The following GDAP1L1 variants were observed in gnomAD, a reference collection of about 807,000 sequenced individuals.
The protein encoded by GDAP1L1 is ganglioside induced differentiation associated protein 1 like 1, also known as ganglioside-induced differentiation-associated protein 1-like 1.
Under a neutral mutation model 37.1 loss-of-function variants are expected in GDAP1L1, and 21 were observed. That is an observed-to-expected ratio of 0.57 (90% CI 0.40 to 0.81). The LOEUF is 0.81. Ranked by LOEUF, GDAP1L1 falls within the 40% of genes least tolerant of loss-of-function variation. GDAP1L1 has a pLI of 0.00. For missense variants in GDAP1L1, 362 were observed against 491.6 expected, an observed-to-expected ratio of 0.74 and a Z score of 2.49; for synonymous variants, 193 against 209.1, an observed-to-expected ratio of 0.92 and a Z score of 0.67.
chr20:44,274,152 G>T (rs2062548941), intron 5 of GDAP1L1, among the ~76,000 whole-genome samples: 1 of 152,110 alleles, frequency 6.6e-6, no homozygotes, highest in South Asian at 2.1e-4. Context: ...CTTGTCCAAG[G>T]ATGGAAGGGA....
In GDAP1L1 at chr20:44,258,675, A is replaced by G. The variant is rs569888601; in HGVS notation, c.547+68A>G. 2.3e-5 allele frequency: 27 copies of G among 1,174,512 alleles called. 1 individual carries two copies. The African/African-American group carries it at 4.1e-4, about 18-fold the overall frequency. The allele number at this position is 1,174,512 out of a possible 1,614,324, so 72.8% of individuals were successfully genotyped here. A position where few individuals can be genotyped will look rare whatever the true frequency, so the allele number is the denominator to read the frequency against. ...TTGCGCCGCTCCTTTCTTCCAAAGG[A>G]TGTCCTCCCTCTCCTGGGCCTCTCT... is the stretch of plus-strand genomic sequence containing the variant. On this transcript the variant is annotated intron_variant, in intron 3 of 5. Coordinates refer to ENST00000342560, the MANE Select transcript of GDAP1L1 (RefSeq NM_024034.6).
At chr20:44,260,960 G>T (rs1245612442) in intron 3 of GDAP1L1, among the ~76,000 whole-genome samples, 1 of 152,314 alleles carries the variant, frequency 6.6e-6, no homozygotes, top group East Asian at 1.9e-4. Context: ...GGTAGGCAGG[G>T]TCCTGGCCAA....
intron 1 of GDAP1L1, among the ~76,000 whole-genome samples, chr20:44,248,092 G>A (rs2073367998): frequency 6.6e-6 from 1 of 152,188 alleles, no homozygotes; most frequent in Non-Finnish European, 1.5e-5. Context: ...GAGAAGGAAG[G>A]AGTTAAACCA....
intron 5 of GDAP1L1, chr20:44,265,571 T>C: frequency 1.3e-6 from 1 of 791,592 alleles, no homozygotes. Context: ...GCCTCAAATA[T>C]GTAACCTTGG....
chr20:44,247,794 T>TGGGGGGGGGGGG (rs915847917), intron 1 of GDAP1L1, among the ~76,000 whole-genome samples: 1 of 98,748 alleles, frequency 1.0e-5, no homozygotes, highest in Non-Finnish European at 2.5e-5. Flanking sequence ...CGGGGCGGGT[T>TGGGGGGGGGGGG]GGGGGGGCTG....
At chr20:44,247,794 T>TGGGGGGGGGGGGGGGGTG (rs915847917) in intron 1 of GDAP1L1, among the ~76,000 whole-genome samples, 1 of 98,726 alleles carries the variant, frequency 1.0e-5, no homozygotes, top group African/African-American at 3.3e-5. Context: ...CGGGGCGGGT[T>TGGGGGGGGGGGGGGGGTG]GGGGGGGCTG....
rs912646562 is a variant in GDAP1L1 at position 44,261,312 on chromosome 20, G to C, written c.548-1918G>C. 2.0e-5 allele frequency among the ~76,000 whole-genome samples: 3 copies of C among 152,166 alleles called. No individual in the cohort carries two copies. In the East Asian group the frequency reaches 5.8e-4, roughly 29 times the overall value. On this transcript the variant is annotated intron_variant, in intron 3 of 5. Transcript: ENST00000342560. ...GACACGCAAGAAAGATGCTGTCCTT[G>C]ACCTTCACATTCATAAAACATCAAT... is the stretch of plus-strand genomic sequence containing the variant.
At chr20:44,263,892 G>A (rs79067285) in intron 4 of GDAP1L1, among the ~76,000 whole-genome samples, 3,116 of 151,968 alleles carry the variant, frequency 0.021, 105 homozygotes, top group African/African-American at 0.071. Flanking sequence ...AATAAATGCA[G>A]AGCACTGAAC....
At chr20:44,258,239 C>T in intron 2 of GDAP1L1, 195 bp from the exon 3 acceptor site, 1 of 723,520 alleles carries the variant, frequency 1.4e-6, no homozygotes, top group Non-Finnish European at 2.6e-6. Context: ...CCCTCGGGGA[C>T]AGCTTGGCAG....
At chr20:44,247,156 G>A (rs2145976018), upstream of GDAP1L1, 1 of 650,766 alleles carries the variant, frequency 1.5e-6, no homozygotes, top group South Asian at 1.9e-5. Flanking sequence ...GGGGGAGGAG[G>A]AGAAAGGAGC....
chr20:44,264,307 C>A lies in GDAP1L1; in HGVS notation c.646-138C>A, dbSNP rs984498087. On this transcript the variant is annotated intron_variant, in intron 4 of 5. Coordinates refer to ENST00000342560, the MANE Select transcript of GDAP1L1 (RefSeq NM_024034.6). ...GGCACCAGATGAGGGTGCTTCATAA[C>A]GGGGGGGCATCCTATACACTTGGGG... The A allele has an allele frequency of 3.3e-6, 4 of 1,215,678 alleles. No individual in the cohort carries two copies. In the African/African-American group the frequency reaches 4.7e-5, roughly 14 times the overall value. 75.3% of individuals were successfully genotyped at this position (1,215,678 alleles called of 1,614,324 possible).
intron 5 of GDAP1L1, among the ~76,000 whole-genome samples, chr20:44,276,611 G>A (rs2062585366): frequency 6.6e-6 from 1 of 152,068 alleles, no homozygotes; most frequent in South Asian, 2.1e-4. Context: ...TTTTACCATT[G>A]CAGATAGTTT....
At chr20:44,271,191 G>A (rs2062512064) in intron 5 of GDAP1L1, among the ~76,000 whole-genome samples, 1 of 152,210 alleles carries the variant, frequency 6.6e-6, no homozygotes, top group African/African-American at 2.4e-5. Flanking sequence ...TTGAGCCTAG[G>A]AGGTTGAGGC....
At chr20:44,252,771 T>C (rs2145990349) in intron 1 of GDAP1L1, among the ~76,000 whole-genome samples, 1 of 149,564 alleles carries the variant, frequency 6.7e-6, no homozygotes, top group Non-Finnish European at 1.5e-5. Flanking sequence ...TGCGGTGAGC[T>C]GAGATTGCAC....
At chr20:44,266,168 C>T (rs939429420) in intron 5 of GDAP1L1, among the ~76,000 whole-genome samples, 7 of 152,012 alleles carry the variant, frequency 4.6e-5, no homozygotes, top group African/African-American at 1.5e-4. Flanking sequence ...ACTAGCTGGG[C>T]GGGGTGCTGG....
At chr20:44,263,352 T>A (rs2073706951) in intron 4 of GDAP1L1, 25 bp downstream of exon 4, 1 of 1,455,374 alleles carries the variant, frequency 6.9e-7, no homozygotes, top group South Asian at 1.1e-5. Flanking sequence ...GCCTGCTGAG[T>A]CCCCTTCCCT....
At chr20:44,278,153 CAAAAAAAA>C (rs3037697) in intron 5 of GDAP1L1, among the ~76,000 whole-genome samples, 3 of 86,000 alleles carry the variant, frequency 3.5e-5, no homozygotes, top group South Asian at 6.7e-4. Flanking sequence ...GACTCCATCT[CAAAAAAAA>C]AAAAAAAAAA....
intron 2 of GDAP1L1, chr20:44,258,141 G>A (rs1335764552): frequency 1.4e-6 from 1 of 717,354 alleles, no homozygotes; most frequent in Non-Finnish European, 2.6e-6. Flanking sequence ...CCCAAGCATT[G>A]AGCACCCAGG....
intron 1 of GDAP1L1, 21 bp from the exon 2 acceptor site, chr20:44,257,132 C>G: frequency 6.4e-7 from 1 of 1,559,264 alleles, no homozygotes; most frequent in Non-Finnish European, 8.7e-7. Flanking sequence ...GCCTTCCCCG[C>G]TCTGACCCTG....
Sources: allele counts gnomAD v4.1 joint callset (sites outside exome capture counted in the v4.1 genomes callset), GRCh38; gene constraint gnomAD v4.1.1; transcripts MANE v1.5; gene names NCBI Gene and HGNC (gene_info 2026-07-23, HGNC 2026-07-21).